Variants in LEO1 observed in about 807,000 individuals in gnomAD.
LEO1 encodes the protein RNA polymerase-associated protein LEO1.
In LEO1, 34 loss-of-function variants were observed where a neutral mutation model predicts 80.4. The ratio of observed to expected loss-of-function variants is 0.42; its 90% confidence interval spans 0.32 to 0.56. The LOEUF is 0.56. Among genes scored for constraint, LEO1 ranks in the 20% least tolerant of loss-of-function variants. The pLI is 0.10. For synonymous variants in LEO1, 262 were observed against 274.9 expected, an observed-to-expected ratio of 0.95 and a Z score of 0.46; for missense variants, 631 against 814.2, an observed-to-expected ratio of 0.77 and a Z score of 2.74.
chr15:51,967,354 TC>T (rs1301355382), intron 1 of LEO1, among the ~76,000 whole-genome samples: 1 of 152,136 alleles, frequency 6.6e-6, no homozygotes, highest in Non-Finnish European at 1.5e-5. Context: ...AAGCCTGTAA[TC>T]CCAGCTACTT....
intron 1 of LEO1, among the ~76,000 whole-genome samples, chr15:51,968,384 T>C (rs1334689823): frequency 6.6e-6 from 1 of 151,446 alleles, no homozygotes. Context: ...CTACTAAAAA[T>C]ACAAAAATTA....
intron 11 of LEO1, chr15:51,947,069 G>C: frequency 4.0e-6 from 2 of 501,564 alleles, no homozygotes; most frequent in Non-Finnish European, 7.1e-6. Context: ...TCAACACCCA[G>C]CAAGAAGTCT....
chr15:51,950,019 T>C (rs770004465), intron 9 of LEO1, 25 bp from the exon 10 acceptor site: 2 of 1,584,624 alleles, frequency 1.3e-6, no homozygotes, highest in South Asian at 2.3e-5. Context: ...ATAACCTCTT[T>C]AACCTAAAAA....
chr15:51,946,996 C>T (rs959077341), intron 11 of LEO1: 7 of 332,162 alleles, frequency 2.1e-5, no homozygotes, highest in Middle Eastern at 1.8e-3. Flanking sequence ...CCAGGCCTTT[C>T]CATCTATCCG....
At chr15:51,969,567 A>G (rs1037044043) in intron 1 of LEO1, among the ~76,000 whole-genome samples, 2 of 150,902 alleles carry the variant, frequency 1.3e-5, no homozygotes, top group Non-Finnish European at 3.0e-5. Flanking sequence ...CCCAGGAGGC[A>G]AAGGCAGGAG....
intron 7 of LEO1, among the ~76,000 whole-genome samples, chr15:51,953,668 T>C (rs762795083): frequency 1.3e-5 from 2 of 151,862 alleles, no homozygotes; most frequent in South Asian, 2.1e-4. Context: ...TGCTGCTCTC[T>C]CTTTTTACAC....
At position 51,949,552 on chromosome 15, in the gene LEO1, T is replaced by C. The variant is rs562802687; in HGVS notation, c.1798+256A>G. On this transcript the variant is annotated intron_variant, in intron 10 of 11. Transcript: ENST00000299601. ...CCGTCTCTACTAAAAATACAAAAATTAGCCAGGTGTGGTGGCGCACACCTG... is the reference window on the plus strand; with the variant it reads ...CCGTCTCTACTAAAAATACAAAAATCAGCCAGGTGTGGTGGCGCACACCTG... 1.8e-3 allele frequency among the ~76,000 whole-genome samples: 270 copies of C among 151,808 alleles called. 2 individuals are homozygous for C. The highest frequency in any genetic ancestry group is 6.3e-3 in the African/African-American group (261 of 41,392).
chr15:51,964,028 AACC>A (rs1381127922), intron 2 of LEO1, among the ~76,000 whole-genome samples: 5 of 152,062 alleles, frequency 3.3e-5, no homozygotes, highest in African/African-American at 1.2e-4. Context: ...AACACGGTGA[AACC>A]CTGTCTCTAC....
chr15:51,938,892 T>A (rs1395643260), intron 11 of LEO1, among the ~76,000 whole-genome samples: 1 of 152,146 alleles, frequency 6.6e-6, no homozygotes, highest in Non-Finnish European at 1.5e-5. Context: ...AAACTGACAC[T>A]AAATGGGATG....
rs759401006 is a variant in LEO1, at chr15:51,953,267, G to A, written c.1341-4C>T. ...ATTGCCTAAATGCAGGGACATGCTG[G>A]AAAGAGAAACATTTCATCTATTAAA... is the stretch of plus-strand genomic sequence containing the variant. On this transcript the variant is annotated splice_polypyrimidine_tract_variant and splice_region_variant and intron_variant, in intron 7 of 11. Transcript: ENST00000299601. 6.2e-7 allele frequency: 1 copy of A among 1,611,544 alleles called. No individual in the cohort carries two copies. The highest frequency in any genetic ancestry group is 8.5e-7 in the Non-Finnish European group (1 of 1,179,160).
intron 2 of LEO1, among the ~76,000 whole-genome samples, chr15:51,963,056 C>T (rs1463429299): frequency 6.6e-6 from 1 of 152,014 alleles, no homozygotes; most frequent in Non-Finnish European, 1.5e-5. Flanking sequence ...GTGGGTGGAT[C>T]ACTTGAGGTC....
At chr15:51,951,586 C>T (rs1011718812) in intron 9 of LEO1, among the ~76,000 whole-genome samples, 1 of 152,164 alleles carries the variant, frequency 6.6e-6, no homozygotes, top group African/African-American at 2.4e-5. Context: ...CATGAAAATT[C>T]AGATATTTCA....
chr15:51,960,350 T>C (rs2593188), intron 4 of LEO1, among the ~76,000 whole-genome samples: 64,372 of 151,966 alleles, frequency 0.42, 13,811 homozygotes, highest in Admixed American at 0.51. Flanking sequence ...ATTATCAACA[T>C]AGCAGACACT....
chr15:51,954,669 A>T, intron 6 of LEO1, 94 bp from the exon 7 acceptor site: 1 of 803,404 alleles, frequency 1.2e-6, no homozygotes, highest in African/African-American at 1.7e-5. Flanking sequence ...CAGAATAAGC[A>T]TACAGAGGTG....
chr15:51,945,777 G>A (rs559266168), intron 11 of LEO1, among the ~76,000 whole-genome samples: 74 of 152,330 alleles, frequency 4.9e-4, no homozygotes, highest in African/African-American at 1.7e-3. Flanking sequence ...GCTCACGCCT[G>A]TAATCCCAAC....
intron 11 of LEO1, among the ~76,000 whole-genome samples, chr15:51,943,544 AC>A (rs1216530346): frequency 6.7e-6 from 1 of 149,488 alleles, no homozygotes. Flanking sequence ...TACTAAAAGT[AC>A]AAAAATTAGC....
At chr15:51,969,399 C>T (rs2057104498) in intron 1 of LEO1, among the ~76,000 whole-genome samples, 1 of 152,036 alleles carries the variant, frequency 6.6e-6, no homozygotes, top group Non-Finnish European at 1.5e-5. Flanking sequence ...CTGTGAGAGG[C>T]CGAGGCAGGC....
chr15:51,958,670 CTCAAGTTTCAAGT>C, intron 6 of LEO1, 59 bp downstream of exon 6: 1 of 906,800 alleles, frequency 1.1e-6, no homozygotes, highest in Non-Finnish European at 1.8e-6. Context: ...CTTTCAAAAG[CTCAAGTTTCAAGT>C]TAGTATCTCC....
At chr15:51,971,080 A>T (rs2057119157) in intron 1 of LEO1, among the ~76,000 whole-genome samples, 1 of 152,114 alleles carries the variant, frequency 6.6e-6, no homozygotes, top group South Asian at 2.1e-4. Context: ...CACAGACCCC[A>T]TGCACTCCCC....
Sources: gnomAD v4.1 joint callset for allele counts (sites outside exome capture counted in the v4.1 genomes callset) on GRCh38, gnomAD v4.1.1 for gene constraint, MANE v1.5 for transcripts, NCBI Gene and HGNC (gene_info 2026-07-23, HGNC 2026-07-21) for gene names.